The following GLIS3 variants were observed in gnomAD, a reference collection of about 807,000 sequenced individuals.
GLIS3 encodes the protein zinc finger protein GLIS3.
A neutral mutation model predicts 78.6 loss-of-function variants in GLIS3; 53 were observed. The ratio of observed to expected loss-of-function variants is 0.67; its 90% CI spans 0.54 to 0.85. The LOEUF (loss-of-function observed/expected upper bound fraction) is 0.85, where lower values mean the gene tolerates loss of function less well. Among genes scored for constraint, GLIS3 ranks in the 40% least tolerant of loss-of-function variants. GLIS3 has a pLI of 0.00. For synonymous variants in GLIS3, 684 were observed against 509.9 expected (o/e 1.34, Z -4.60); for missense variants, 1,703 against 1,231.1 (o/e 1.38, Z -5.74).
At chr9:3,997,663 A>G (rs564452395) in intron 4 of GLIS3, among the ~76,000 whole-genome samples, 191 of 152,166 alleles carry the variant, frequency 1.3e-3, no homozygotes, top group Middle Eastern at 6.8e-3. Context: ...TCATATGACT[A>G]TCTCTGCAGG....
At chr9:4,061,170 C>G (rs1826619564) in intron 4 of GLIS3, among the ~76,000 whole-genome samples, 2 of 151,478 alleles carry the variant, frequency 1.3e-5, no homozygotes, top group South Asian at 2.1e-4. Flanking sequence ...CACCCATTAA[C>G]TCGTCATTTA....
intron 9 of GLIS3, among the ~76,000 whole-genome samples, chr9:3,848,758 GC>G (rs1384864548): frequency 1.3e-5 from 2 of 152,198 alleles, no homozygotes; most frequent in African/African-American, 4.8e-5. Flanking sequence ...GGTGGGACAA[GC>G]CATTTACAAT....
intron 2 of GLIS3, among the ~76,000 whole-genome samples, chr9:4,322,150 T>C (rs1052362382): frequency 1.8e-4 from 27 of 152,162 alleles, no homozygotes; most frequent in African/African-American, 6.5e-4. Context: ...ATCCTTGTGA[T>C]AGTTTGCTCA....
In GLIS3 at chr9:4,262,747, T is replaced by C. The variant is rs1376641193; in HGVS notation, c.388+23291A>G. 7.2e-5 allele frequency among the ~76,000 whole-genome samples: 11 copies of C among 152,088 alleles called. No individual in the cohort carries two copies. The East Asian group carries it at 1.2e-3, about 16-fold the overall frequency. On this transcript the variant is annotated intron_variant, in intron 2 of 10. Coordinates refer to ENST00000381971, the MANE Select transcript of GLIS3 (RefSeq NM_001042413.2). ...AATTAGATGGGATTCTGCCACCCCA[T>C]TTCCTGCTTCACATTGATTTTTATA...
At chr9:4,165,191 A>G (rs1835783923) in intron 2 of GLIS3, among the ~76,000 whole-genome samples, 4 of 152,220 alleles carry the variant, frequency 2.6e-5, no homozygotes. Flanking sequence ...CTGTAATCCC[A>G]GCACTTTGGG....
At chr9:4,319,986 TGTGTG>T (rs1817499639) in intron 2 of GLIS3, among the ~76,000 whole-genome samples, 2 of 19,438 alleles carry the variant, frequency 1.0e-4, no homozygotes, top group African/African-American at 5.8e-4. Context: ...GAGGGGGTTG[TGTGTG>T]TGTGTGTGTG....
intron 4 of GLIS3, among the ~76,000 whole-genome samples, chr9:4,110,268 A>G (rs1181864192): frequency 6.6e-6 from 1 of 152,166 alleles, no homozygotes; most frequent in Non-Finnish European, 1.5e-5. Flanking sequence ...TTCACTCTCA[A>G]AAGTGTCCTA....
At chr9:4,154,539 A>G (rs1020910489) in intron 2 of GLIS3, among the ~76,000 whole-genome samples, 1 of 152,174 alleles carries the variant, frequency 6.6e-6, no homozygotes, top group African/African-American at 2.4e-5. Context: ...CAAACAAAAG[A>G]CCAGGAAACA....
At position 4,299,895 on chromosome 9, in the gene GLIS3, G is replaced by C. The variant is rs1267288189; in HGVS notation, c.-573C>G. 2 of 152,250 alleles carry C rather than the reference G, an allele frequency of 1.3e-5. No individual in the cohort carries two copies. Among genetic ancestry groups the C allele is most frequent in the African/African-American group, 4.8e-5 (2 of 41,546 alleles). 9.4% of individuals were successfully genotyped at this position (152,250 alleles called of 1,614,324 possible). A position where few individuals can be genotyped will look rare whatever the true frequency, so the allele number is the denominator to read the frequency against. On this transcript the variant is annotated 5_prime_UTR_variant, in exon 1 of 11. Transcript: ENST00000381971. ...TCGCCGGTGTGACCCTGGACGGCGCGGACGGCGTACAGGGGGTCCCGGGAG... is the reference window on the plus strand; with the variant it reads ...TCGCCGGTGTGACCCTGGACGGCGCCGACGGCGTACAGGGGGTCCCGGGAG...
chr9:4,455,053 T>C, the GLIS3 span, among the ~76,000 whole-genome samples: 1 of 152,206 alleles, frequency 6.6e-6, no homozygotes, highest in Non-Finnish European at 1.5e-5. Context: ...TCCAGAGTCC[T>C]GGGTGGATAG....
intron 2 of GLIS3, among the ~76,000 whole-genome samples, chr9:4,267,337 G>C (rs1218744267): frequency 2.0e-5 from 3 of 152,146 alleles, no homozygotes; most frequent in Admixed American, 6.5e-5. Context: ...CAGCCCTTGA[G>C]GGTTAAGTGA....
At chr9:4,352,894 T>C (rs117312815), upstream of GLIS3, among the ~76,000 whole-genome samples, 323 of 152,360 alleles carry the variant, frequency 2.1e-3, no homozygotes, top group Admixed American at 4.2e-3. Flanking sequence ...CTGTGGTGCA[T>C]GGAAAAAATC....
intron 4 of GLIS3, among the ~76,000 whole-genome samples, chr9:4,005,626 C>T (rs1027513065): frequency 1.3e-5 from 2 of 152,148 alleles, no homozygotes; most frequent in South Asian, 2.1e-4. Context: ...ATTAATTGTA[C>T]GTGTAAAGGA....
At chr9:4,469,703 A>C in the GLIS3 span, among the ~76,000 whole-genome samples, 56,081 of 151,992 alleles carry the variant, frequency 0.37, 10,691 homozygotes, top group African/African-American at 0.45. Flanking sequence ...AAAATCGACA[A>C]CCTAACATCA....
the GLIS3 span, among the ~76,000 whole-genome samples, chr9:4,379,561 G>A: frequency 6.6e-6 from 1 of 152,188 alleles, no homozygotes; most frequent in Non-Finnish European, 1.5e-5. Flanking sequence ...GAGATTTCAG[G>A]ATCTGGGAGC....
At chr9:4,165,437 G>C (rs561414741) in intron 2 of GLIS3, among the ~76,000 whole-genome samples, 1 of 152,154 alleles carries the variant, frequency 6.6e-6, no homozygotes, top group Admixed American at 6.5e-5. Context: ...GCGAAACTCC[G>C]TCTCAAAGAC....
At chr9:4,107,982 G>A (rs1427102712) in intron 4 of GLIS3, among the ~76,000 whole-genome samples, 1 of 152,094 alleles carries the variant, frequency 6.6e-6, no homozygotes, top group Non-Finnish European at 1.5e-5. Flanking sequence ...GCACATTTGA[G>A]GTCTACAGTA....
In GLIS3 at chr9:4,270,717, G is replaced by A. The variant is rs533172585; in HGVS notation, c.388+15321C>T. Among the ~76,000 whole-genome samples the A allele has an allele frequency of 4.6e-5, 7 of 152,258 alleles. No homozygotes were observed. In the South Asian group the frequency reaches 1.0e-3, roughly 23 times the overall value. On this transcript the variant is annotated intron_variant, in intron 2 of 10. Coordinates refer to ENST00000381971, the MANE Select transcript of GLIS3 (RefSeq NM_001042413.2). ...AATGAATTCACTCTCCCTGTGTGAC[G>A]ATCTCTGAGCTAGAACATTGGTCTC...
intron 9 of GLIS3, among the ~76,000 whole-genome samples, chr9:3,852,375 GAACA>G (rs1273688257): frequency 2.0e-5 from 3 of 152,176 alleles, no homozygotes; most frequent in Non-Finnish European, 4.4e-5. Flanking sequence ...TTGAAAGAGA[GAACA>G]AACACTCACT....
Sources: gnomAD v4.1 joint callset for allele counts (sites outside exome capture counted in the v4.1 genomes callset) on GRCh38, gnomAD v4.1.1 for gene constraint, MANE v1.5 for transcripts, NCBI Gene and HGNC (gene_info 2026-07-23, HGNC 2026-07-21) for gene names.